The following TEX2 variants were observed in gnomAD, a reference collection of about 807,000 sequenced individuals.
TEX2 encodes the protein testis-expressed protein 2.
A neutral mutation model predicts 106.9 loss-of-function variants in TEX2; 53 were observed. The observed-to-expected ratio is 0.50, with a 90% CI of 0.40 to 0.62. The LOEUF is 0.62. Ranked by LOEUF, TEX2 falls within the 20% of genes least tolerant of loss-of-function variation. The probability of loss-of-function intolerance (pLI) is 0.00; values close to 1 mark genes in which losing one functional copy is unlikely to be tolerated. For missense variants in TEX2, 1,207 were observed against 1,379.0 expected (o/e 0.88, Z 1.98); for synonymous variants, 523 against 534.8 (o/e 0.98, Z 0.30).
chr17:64,169,279 T>C (rs184469368), intron 7 of TEX2, among the ~76,000 whole-genome samples: 1 of 152,182 alleles, frequency 6.6e-6, no homozygotes, highest in Non-Finnish European at 1.5e-5. Flanking sequence ...TCTCAAGTGA[T>C]CTACCTGCCT....
intron 6 of TEX2, among the ~76,000 whole-genome samples, chr17:64,171,486 C>T (rs564119537): frequency 6.6e-6 from 1 of 152,038 alleles, no homozygotes; most frequent in African/African-American, 2.4e-5. Flanking sequence ...CTGCAAAGAA[C>T]ATCAAGCAGG....
At chr17:64,226,050 G>A (rs886446464) in intron 1 of TEX2, among the ~76,000 whole-genome samples, 15 of 152,064 alleles carry the variant, frequency 9.9e-5, no homozygotes, top group South Asian at 2.1e-4. Context: ...TGATGCTCAT[G>A]GGGTAACATG....
intron 1 of TEX2, among the ~76,000 whole-genome samples, chr17:64,215,436 T>C (rs1219566077): frequency 1.3e-5 from 2 of 152,180 alleles, no homozygotes; most frequent in African/African-American, 4.8e-5. Context: ...GCAATGGGCA[T>C]GGTGTGTGCA....
intron 1 of TEX2, among the ~76,000 whole-genome samples, chr17:64,247,317 G>A (rs2034007922): frequency 6.6e-6 from 1 of 151,644 alleles, no homozygotes; most frequent in African/African-American, 2.4e-5. Context: ...AGAAGGCAGA[G>A]GAGGAAGAAG....
chr17:64,188,346 T>C lies in TEX2; in HGVS notation c.2246A>G (p.Lys749Arg), dbSNP rs142834058. The C allele has an allele frequency of 1.2e-6, 2 of 1,614,080 alleles. No homozygotes were observed. Among genetic ancestry groups the C allele is most frequent in the African/African-American group, 2.7e-5 (2 of 74,926 alleles). Residue 749 changes from lysine to arginine, a missense_variant, in exon 5 of 12, where the codon AAA becomes AGA. Around this residue, in one of 3 missense-constraint regions of TEX2, gnomAD observed 1,067 missense variants for 1,193.6 expected, o/e 0.89. Coordinates refer to ENST00000584379, the MANE Select transcript of TEX2 (RefSeq NM_001288732.2). Reference sequence around the variant, plus strand: ...TGACATGATCTCCTCCACACTGCCTTTGCTGCTGCTGCGGCTGTGGGTCAG... The same window carrying C: ...TGACATGATCTCCTCCACACTGCCTCTGCTGCTGCTGCGGCTGTGGGTCAG... ...GHLTHSRSSS[K>R]GSVEEIMSQP...
In TEX2 at chr17:64,149,036, G is replaced by A. The variant is rs2030205628; in HGVS notation, c.3317C>T (p.Ala1106Val). The change falls in exon 12 of 12, where the codon GCC (alanine) becomes GTC (valine). Residue 1106 changes from alanine (A) to valine (V), a missense_variant. By Grantham distance (64) the Ala-to-Val change is moderately conservative (BLOSUM62 0). Around this residue, in one of 3 missense-constraint regions of TEX2, gnomAD observed 77 missense variants for 73.2 expected, o/e 1.05. Coordinates refer to ENST00000584379, the MANE Select transcript of TEX2 (RefSeq NM_001288732.2). ...GCAGGAAGTAGAGCGAGGGTCCATG[G>A]CTGAGTGCATTATAGTGATATAAAC... is the stretch of plus-strand genomic sequence containing the variant. ...DDVYITIMHS[A>V]MDPRSTSCLL... 6.2e-7 allele frequency: 1 copy of A among 1,614,172 alleles called. No homozygotes were observed.
At chr17:64,252,761 C>T (rs782001930) in intron 1 of TEX2, among the ~76,000 whole-genome samples, 20 of 151,994 alleles carry the variant, frequency 1.3e-4, no homozygotes, top group Non-Finnish European at 2.1e-4. Context: ...GGGTATATAA[C>T]GCGGAGCAAA....
chr17:64,248,192 T>C (rs1017229010), intron 1 of TEX2, among the ~76,000 whole-genome samples: 5 of 152,272 alleles, frequency 3.3e-5, no homozygotes, highest in East Asian at 1.9e-4. Flanking sequence ...AAGTGCTTTA[T>C]GTTAGTGAGA....
At chr17:64,162,044 T>G (rs1221386155) in intron 7 of TEX2, among the ~76,000 whole-genome samples, 1 of 152,192 alleles carries the variant, frequency 6.6e-6, no homozygotes, top group Non-Finnish European at 1.5e-5. Flanking sequence ...AAAGGCAGGA[T>G]GATTTCCATT....
chr17:64,158,626 A>C (rs758851888), intron 8 of TEX2, among the ~76,000 whole-genome samples: 1 of 152,222 alleles, frequency 6.6e-6, no homozygotes, highest in Non-Finnish European at 1.5e-5. Context: ...GAGGAAGTGA[A>C]GTGGATTCTG....
At chr17:64,229,988 C>A (rs2033618701) in intron 1 of TEX2, among the ~76,000 whole-genome samples, 1 of 152,192 alleles carries the variant, frequency 6.6e-6, no homozygotes, top group African/African-American at 2.4e-5. Flanking sequence ...CAGGCATCAG[C>A]AGACTTAACC....
intron 1 of TEX2, chr17:64,255,709 A>T (rs1349910814): frequency 1.3e-5 from 2 of 152,190 alleles, no homozygotes; most frequent in Non-Finnish European, 2.9e-5. Context: ...CAAGCCAGTG[A>T]CCTGTTTCAT....
intron 1 of TEX2, among the ~76,000 whole-genome samples, chr17:64,248,671 G>C (rs2034035307): frequency 6.6e-6 from 1 of 152,122 alleles, no homozygotes; most frequent in Admixed American, 6.5e-5. Context: ...TGTCTGTCAG[G>C]GACCCTCCCT....
At position 64,150,774 on chromosome 17, in the gene TEX2, C is replaced by T. The variant is rs531777198; in HGVS notation, c.3261+67G>A. The T allele has an allele frequency of 6.0e-5, 92 of 1,531,464 alleles. 1 individual carries two copies. The South Asian group carries it at 1.1e-3, about 18-fold the overall frequency. The allele number at this position is 1,531,464 out of a possible 1,614,324, so 94.9% of individuals were successfully genotyped here. ...AGAGGATCCTGACCCAGCTGAAGTT[C>T]AGAACCTCGGCTAAACCCAGAGCTT... On this transcript the variant is annotated intron_variant, in intron 11 of 11. Coordinates refer to ENST00000584379, the MANE Select transcript of TEX2 (RefSeq NM_001288732.2).
At chr17:64,178,284 G>C (rs563911691) in intron 5 of TEX2, among the ~76,000 whole-genome samples, 2 of 152,200 alleles carry the variant, frequency 1.3e-5, no homozygotes, top group Admixed American at 1.3e-4. Flanking sequence ...CCTGGAGGGG[G>C]TCAGGGATGG....
chr17:64,228,154 C>T (rs35516662), intron 1 of TEX2, among the ~76,000 whole-genome samples: 11,182 of 152,090 alleles, frequency 0.074, 511 homozygotes, highest in Non-Finnish European at 0.11. Context: ...TACATCTTCA[C>T]TTCAATAAAA....
intron 5 of TEX2, among the ~76,000 whole-genome samples, chr17:64,181,348 T>C (rs1361916736): frequency 6.6e-6 from 1 of 151,590 alleles, no homozygotes; most frequent in Non-Finnish European, 1.5e-5. Context: ...TGGTGGTGCG[T>C]GCCTATAGTC....
intron 2 of TEX2, among the ~76,000 whole-genome samples, chr17:64,208,624 G>T (rs2032911765): frequency 6.6e-6 from 1 of 151,506 alleles, no homozygotes. Context: ...AAGCATCAAG[G>T]ATTTATTTTA....
chr17:64,167,056 T>G (rs2031171969), intron 7 of TEX2, among the ~76,000 whole-genome samples: 1 of 152,160 alleles, frequency 6.6e-6, no homozygotes, highest in Non-Finnish European at 1.5e-5. Context: ...AGCCAGTTTC[T>G]AAGGGACACA....
Sources: allele counts gnomAD v4.1 joint callset (sites outside exome capture counted in the v4.1 genomes callset), GRCh38; gene constraint gnomAD v4.1.1; regional missense constraint gnomAD v4.1.1; transcripts MANE v1.5; gene names NCBI Gene and HGNC (gene_info 2026-07-23, HGNC 2026-07-21).